The following DGKI variants were observed in gnomAD, a reference collection of about 807,000 sequenced individuals.
The protein encoded by DGKI is diacylglycerol kinase iota, also known as DAG kinase iota.
A neutral mutation model predicts 147.5 loss-of-function variants in DGKI; 55 were observed. The observed-to-expected ratio is 0.37, with a 90% CI of 0.30 to 0.47. The LOEUF (loss-of-function observed/expected upper bound fraction) is 0.47. Among genes scored for constraint, DGKI ranks in the 20% least tolerant of loss-of-function variants. DGKI has a pLI of 1.00. For missense variants in DGKI, 1,007 were observed against 1,323.8 expected, an observed-to-expected ratio of 0.76 and a Z score of 3.71; for synonymous variants, 469 against 477.1, an observed-to-expected ratio of 0.98 and a Z score of 0.22.
In DGKI at chr7:137,838,056, G is replaced by A. The variant is rs186585872; in HGVS notation, c.401+8406C>T. Among the ~76,000 whole-genome samples, 82 of 143,732 alleles carry A rather than the reference G, an allele frequency of 5.7e-4. No individual in the cohort carries two copies. In the East Asian group the frequency reaches 0.015, roughly 26 times the overall value. 94.3% of individuals were successfully genotyped at this position (143,732 alleles called of 152,430 possible). A position where few individuals can be genotyped will look rare whatever the true frequency, so the allele number is the denominator to read the frequency against. ...TCTCACTCTGTCACCAGGCTGGAGTGCAGTGGCTTGATCTCAGCTCACTGC... is the reference window on the plus strand; with the variant it reads ...TCTCACTCTGTCACCAGGCTGGAGTACAGTGGCTTGATCTCAGCTCACTGC... On this transcript the variant is annotated intron_variant, in intron 1 of 32. Transcript: ENST00000614521.
intron 1 of DGKI, among the ~76,000 whole-genome samples, chr7:137,735,389 A>G (rs910548302): frequency 1.3e-5 from 2 of 151,980 alleles, no homozygotes; most frequent in African/African-American, 4.8e-5. Flanking sequence ...CTATCTGGTT[A>G]GATTTTACTT....
At chr7:137,482,248 C>T (rs112405056) in intron 23 of DGKI, among the ~76,000 whole-genome samples, 1 of 151,928 alleles carries the variant, frequency 6.6e-6, no homozygotes, top group Non-Finnish European at 1.5e-5. Flanking sequence ...ATACATTTCA[C>T]TCTTGGCTTT....
chr7:137,746,553 G>GTTGTTTGTTTGT (rs3839666), intron 1 of DGKI, among the ~76,000 whole-genome samples: 1,914 of 152,110 alleles, frequency 0.013, 39 homozygotes, highest in African/African-American at 0.044. Context: ...ATCCAGAGAT[G>GTTGTTTGTTTGT]TTGTTTGTTT....
rs1811086392 is a variant in DGKI at position 137,382,624 on chromosome 7, A to G, written c.*8596T>C. ...TGAGTTTGATTTTCAATATCTGCTA[A>G]CACTATCAGTTGTTTGAGATTACCA... On this transcript the variant is annotated 3_prime_UTR_variant, in exon 33 of 33. Transcript: ENST00000614521. The G allele has an allele frequency of 6.6e-6, 1 of 152,100 alleles. No individual in the cohort carries two copies. The highest frequency in any genetic ancestry group is 6.6e-5 in the Admixed American group (1 of 15,240). 9.4% of individuals were successfully genotyped at this position (152,100 alleles called of 1,614,324 possible).
intron 10 of DGKI, among the ~76,000 whole-genome samples, chr7:137,606,466 A>G (rs1180675539): frequency 2.0e-5 from 3 of 152,344 alleles, no homozygotes; most frequent in South Asian, 2.1e-4. Flanking sequence ...TATTTATCAC[A>G]GTAAGCCCCT....
At chr7:137,822,601 C>A (rs1197919269) in intron 1 of DGKI, among the ~76,000 whole-genome samples, 2 of 152,184 alleles carry the variant, frequency 1.3e-5, no homozygotes, top group East Asian at 1.9e-4. Flanking sequence ...TCCATTCAGC[C>A]TTTTGGGGCC....
intron 1 of DGKI, among the ~76,000 whole-genome samples, chr7:137,792,481 C>T (rs1315169026): frequency 6.6e-6 from 1 of 152,212 alleles, no homozygotes; most frequent in South Asian, 2.1e-4. Flanking sequence ...AGAAGTGCTA[C>T]TCGATAGCAC....
chr7:137,845,134 G>C (rs939124409), intron 1 of DGKI, among the ~76,000 whole-genome samples: 1 of 152,200 alleles, frequency 6.6e-6, no homozygotes, highest in Admixed American at 6.5e-5. Flanking sequence ...CTCCCTCAGC[G>C]CACAGCGAAC....
At chr7:137,636,269 T>C (rs373351405) in intron 6 of DGKI, among the ~76,000 whole-genome samples, 1 of 152,058 alleles carries the variant, frequency 6.6e-6, no homozygotes, top group Admixed American at 6.5e-5. Flanking sequence ...GAGGCACTAG[T>C]TGAGAGTGAG....
chr7:137,770,435 A>C (rs1358779217), intron 1 of DGKI, among the ~76,000 whole-genome samples: 1 of 152,198 alleles, frequency 6.6e-6, no homozygotes, highest in African/African-American at 2.4e-5. Context: ...ATACCTATGT[A>C]ACAAACCTAC....
At chr7:137,562,942 C>T (rs1175557385) in intron 19 of DGKI, among the ~76,000 whole-genome samples, 1 of 152,024 alleles carries the variant, frequency 6.6e-6, no homozygotes, top group Non-Finnish European at 1.5e-5. Flanking sequence ...TATATCAAAA[C>T]CCAATCAAAT....
chr7:137,495,354 T>C (rs552319126), intron 21 of DGKI, among the ~76,000 whole-genome samples: 1 of 150,196 alleles, frequency 6.7e-6, no homozygotes, highest in African/African-American at 2.5e-5. Context: ...AGCCAAATTC[T>C]AGCAGATGTA....
chr7:137,672,766 CTTTTTTTTTTTTTTTTTT>C (rs60078498), intron 3 of DGKI, among the ~76,000 whole-genome samples: 3 of 65,690 alleles, frequency 4.6e-5, no homozygotes, highest in African/African-American at 7.2e-5. Flanking sequence ...CTCTGTGTGT[CTTTTTTTTTTTTTTTTTT>C]TTTTTTTTTT....
At chr7:137,454,228 G>T (rs995300768) in intron 27 of DGKI, among the ~76,000 whole-genome samples, 5 of 152,020 alleles carry the variant, frequency 3.3e-5, no homozygotes, top group African/African-American at 1.2e-4. Flanking sequence ...AAATCATGTT[G>T]TACACAATAA....
At chr7:137,460,949 GTTT>G (rs954898248) in intron 27 of DGKI, among the ~76,000 whole-genome samples, 6 of 151,956 alleles carry the variant, frequency 3.9e-5, no homozygotes, top group Non-Finnish European at 7.4e-5. Context: ...TTAAACTGAA[GTTT>G]ACCACCATTA....
At chr7:137,606,532 G>A (rs748175326) in intron 10 of DGKI, among the ~76,000 whole-genome samples, 15 of 152,154 alleles carry the variant, frequency 9.9e-5, no homozygotes, top group Non-Finnish European at 4.4e-5. Flanking sequence ...AGCTTATTAC[G>A]AATGCAGCAT....
chr7:137,620,044 C>CACAT, intron 7 of DGKI, 104 bp from the exon 8 acceptor site: 1 of 759,652 alleles, frequency 1.3e-6, no homozygotes, highest in Non-Finnish European at 2.3e-6. Flanking sequence ...CACACACACA[C>CACAT]ACACACACAC....
chr7:137,806,211 T>C (rs1037247841), intron 1 of DGKI, among the ~76,000 whole-genome samples: 4 of 152,194 alleles, frequency 2.6e-5, no homozygotes, highest in Non-Finnish European at 5.9e-5. Flanking sequence ...TGATCATGAG[T>C]AAATGCTGAA....
intron 1 of DGKI, among the ~76,000 whole-genome samples, chr7:137,761,113 C>G (rs185239235): frequency 6.6e-6 from 1 of 152,304 alleles, no homozygotes; most frequent in Non-Finnish European, 1.5e-5. Flanking sequence ...AAAGTCATCT[C>G]CCCTTTCTGT....
Sources: gnomAD v4.1 joint callset for allele counts (sites outside exome capture counted in the v4.1 genomes callset) on GRCh38, gnomAD v4.1.1 for gene constraint, MANE v1.5 for transcripts, NCBI Gene and HGNC (gene_info 2026-07-23, HGNC 2026-07-21) for gene names.